CHRNA7: variants seen among roughly 807,000 people sequenced by gnomAD.
CHRNA7 encodes cholinergic receptor nicotinic alpha 7 subunit.
In CHRNA7, 17 loss-of-function variants were observed where a neutral mutation model predicts 48.0. That is an observed-to-expected ratio of 0.35 (90% CI 0.24 to 0.53). The LOEUF (loss-of-function observed/expected upper bound fraction) is 0.53, where lower values mean the gene tolerates loss of function less well. CHRNA7 is among the 20% of genes least tolerant of loss of function. CHRNA7 has a pLI of 0.92. For synonymous variants in CHRNA7, 75 were observed against 242.3 expected (o/e 0.31, Z 6.41); for missense variants, 155 against 577.7 (o/e 0.27, Z 7.50).
intron 2 of CHRNA7, among the ~76,000 whole-genome samples, chr15:32,068,634 A>C (rs1288244131): frequency 6.6e-6 from 1 of 151,740 alleles, no homozygotes; most frequent in Non-Finnish European, 1.5e-5. Flanking sequence ...GAGGCAGGAG[A>C]ATTGCTTGAA....
intron 4 of CHRNA7, among the ~76,000 whole-genome samples, chr15:32,131,414 A>G (rs2051155247): frequency 6.6e-6 from 1 of 151,312 alleles, no homozygotes; most frequent in Admixed American, 6.6e-5. Flanking sequence ...CATAATTTCT[A>G]TTCTGTCTTC....
chr15:32,048,008 C>A (rs1299414503), intron 2 of CHRNA7, among the ~76,000 whole-genome samples: 1 of 152,098 alleles, frequency 6.6e-6, no homozygotes, highest in Non-Finnish European at 1.5e-5. Flanking sequence ...GTCTTGCATC[C>A]CAGGGATGAA....
At chr15:32,057,953 C>G (rs941621606) in intron 2 of CHRNA7, among the ~76,000 whole-genome samples, 1 of 152,212 alleles carries the variant, frequency 6.6e-6, no homozygotes, top group Non-Finnish European at 1.5e-5. Context: ...AGGAAGATGT[C>G]TCCAGATCTG....
chr15:32,031,020 C>T lies in CHRNA7; in HGVS notation c.178C>T (p.Leu60=), dbSNP rs1032521091. 1 of 1,614,226 alleles carries T rather than the reference C, an allele frequency of 6.2e-7. No individual in the cohort carries two copies. Among genetic ancestry groups the T allele is most frequent in the Non-Finnish European group, 8.5e-7 (1 of 1,180,018 alleles). Residue 60 remains leucine (L), a synonymous_variant, in exon 2 of 10, where the codon CTG becomes TTG. Coordinates refer to ENST00000306901, the MANE Select transcript of CHRNA7 (RefSeq NM_000746.6). The part of the protein sequence containing the change: ...PLTVYFSLSL[L]QIMDVDEKNQ... ...CACCGTCTACTTCTCCCTGAGCCTC[C>T]TGCAGATCATGGACGTGGTGAGTCC...
intron 2 of CHRNA7, among the ~76,000 whole-genome samples, chr15:32,044,469 G>T (rs2049504775): frequency 6.6e-5 from 10 of 152,092 alleles, no homozygotes; most frequent in Admixed American, 6.6e-4. Flanking sequence ...GTAGAGACAG[G>T]TTTTCACCAT....
chr15:32,097,359 C>G (rs2050488778), intron 2 of CHRNA7, among the ~76,000 whole-genome samples: 1 of 152,098 alleles, frequency 6.6e-6, no homozygotes, highest in South Asian at 2.1e-4. Context: ...ATCTGAATCC[C>G]CAAGGCGATG....
At chr15:32,079,934 T>C (rs557065895) in intron 2 of CHRNA7, among the ~76,000 whole-genome samples, 2 of 152,258 alleles carry the variant, frequency 1.3e-5, no homozygotes, top group South Asian at 4.1e-4. Flanking sequence ...AACAGGATGG[T>C]ACTGGCACAA....
At chr15:32,112,479 C>T in intron 4 of CHRNA7, 1 of 385,770 alleles carries the variant, frequency 2.6e-6, no homozygotes, top group South Asian at 1.9e-5. Context: ...CGTCGGTAAA[C>T]CAAGACAGTC....
intron 2 of CHRNA7, among the ~76,000 whole-genome samples, chr15:32,092,079 C>T (rs1047685754): frequency 6.6e-6 from 1 of 152,196 alleles, no homozygotes; most frequent in African/African-American, 2.4e-5. Flanking sequence ...ACTTCCATTT[C>T]CAACTTCTGT....
intron 2 of CHRNA7, among the ~76,000 whole-genome samples, chr15:32,093,727 G>A (rs2050420338): frequency 6.6e-6 from 1 of 152,126 alleles, no homozygotes; most frequent in African/African-American, 2.4e-5. Flanking sequence ...GTCATCATGG[G>A]TCTTTCCTGG....
intron 2 of CHRNA7, among the ~76,000 whole-genome samples, chr15:32,045,010 C>G (rs914982458): frequency 6.6e-6 from 1 of 152,182 alleles, no homozygotes; most frequent in Non-Finnish European, 1.5e-5. Context: ...CTCATTGTGT[C>G]TATCTGTTGT....
At chr15:32,124,940 C>T (rs1313089742) in intron 4 of CHRNA7, among the ~76,000 whole-genome samples, 2 of 152,134 alleles carry the variant, frequency 1.3e-5, no homozygotes, top group Non-Finnish European at 2.9e-5. Flanking sequence ...GACATCAGAT[C>T]CGTGGGTGCT....
At chr15:32,083,927 A>G (rs1275792164) in intron 2 of CHRNA7, among the ~76,000 whole-genome samples, 2 of 152,184 alleles carry the variant, frequency 1.3e-5, no homozygotes, top group African/African-American at 2.4e-5. Context: ...GGGTTTATGA[A>G]TGGTCTGTAT....
rs1469696732 is a variant in CHRNA7 at position 32,107,749 on chromosome 15, TA to T, written c.241-4040del. Among the ~76,000 whole-genome samples, 32 of 152,270 alleles carry T rather than the reference TA, an allele frequency of 2.1e-4. No homozygotes were observed. In the East Asian group the frequency reaches 6.2e-3, roughly 29 times the overall value. On this transcript the variant is annotated intron_variant, in intron 3 of 9. Transcript: ENST00000306901. ...AGTGGATGTGCTGACCAAGAGTGTT[TA>T]TAACCCCGTCTCGAGCCCCTTTCTC...
At chr15:32,037,587 T>G (rs1000940960) in intron 2 of CHRNA7, among the ~76,000 whole-genome samples, 1 of 152,208 alleles carries the variant, frequency 6.6e-6, no homozygotes, top group African/African-American at 2.4e-5. Context: ...TTATTTTGTT[T>G]GTAAGAATTT....
intron 3 of CHRNA7, among the ~76,000 whole-genome samples, chr15:32,108,877 G>C (rs1420297453): frequency 1.3e-5 from 2 of 152,198 alleles, no homozygotes; most frequent in Non-Finnish European, 2.9e-5. Context: ...CTGCAGTTCA[G>C]AGACAATGAT....
At chr15:32,072,688 C>A (rs1249556378) in intron 2 of CHRNA7, among the ~76,000 whole-genome samples, 1 of 152,212 alleles carries the variant, frequency 6.6e-6, no homozygotes, top group Non-Finnish European at 1.5e-5. Context: ...CATCCGTGAT[C>A]CTGGAAGCTC....
chr15:32,095,211 C>T (rs749991038), intron 2 of CHRNA7, among the ~76,000 whole-genome samples: 21 of 152,160 alleles, frequency 1.4e-4, no homozygotes, highest in Admixed American at 3.3e-4. Flanking sequence ...CTCTGTATCC[C>T]GAGAGGGCCA....
chr15:32,094,295 A>G (rs188315692), intron 2 of CHRNA7, among the ~76,000 whole-genome samples: 5 of 152,342 alleles, frequency 3.3e-5, no homozygotes, highest in South Asian at 4.1e-4. Context: ...CAGAATAACC[A>G]TGAACCCACT....
Sources: allele counts gnomAD v4.1 joint callset (sites outside exome capture counted in the v4.1 genomes callset), GRCh38; gene constraint gnomAD v4.1.1; transcripts MANE v1.5; gene names NCBI Gene and HGNC (gene_info 2026-07-23, HGNC 2026-07-21).